The following SLF2 variants were observed in gnomAD, a reference collection of about 807,000 sequenced individuals.
The protein encoded by SLF2 is SMC5-SMC6 complex localization factor protein 2.
Under a neutral mutation model 124.3 loss-of-function variants are expected in SLF2, and 68 were observed. That is an observed-to-expected ratio of 0.55 (90% confidence interval 0.45 to 0.67). The LOEUF is 0.67. Among genes scored for constraint, SLF2 ranks in the 30% least tolerant of loss-of-function variants. The probability of loss-of-function intolerance (pLI) is 0.00; values close to 1 mark genes in which losing one functional copy is unlikely to be tolerated. For missense variants in SLF2, 1,246 were observed against 1,373.7 expected, an observed-to-expected ratio of 0.91 and a Z score of 1.47; for synonymous variants, 480 against 478.8, an observed-to-expected ratio of 1.00 and a Z score of -0.03.
chr10:100,945,558 G>A, intron 13 of SLF2, 52 bp downstream of exon 13: 1 of 1,353,578 alleles, frequency 7.4e-7, no homozygotes, highest in Non-Finnish European at 9.8e-7. Context: ...ATTACAATTT[G>A]ACTCATAGTG....
At chr10:100,921,536 G>A (rs1849524736) in intron 4 of SLF2, among the ~76,000 whole-genome samples, 2 of 152,162 alleles carry the variant, frequency 1.3e-5, no homozygotes, top group South Asian at 4.1e-4. Flanking sequence ...TTAATCACCT[G>A]ACCTGAAGAG....
intron 6 of SLF2, among the ~76,000 whole-genome samples, chr10:100,927,417 C>T (rs1202029512): frequency 2.0e-5 from 3 of 152,168 alleles, no homozygotes; most frequent in Non-Finnish European, 4.4e-5. Context: ...TAGCATGTGT[C>T]AGAATTTCCG....
chr10:100,962,045 A>G lies in SLF2; in HGVS notation c.*133A>G. 1.3e-6 allele frequency: 1 copy of G among 761,496 alleles called. No individual in the cohort carries two copies. 47.2% of individuals were successfully genotyped at this position (761,496 alleles called of 1,614,324 possible). On this transcript the variant is annotated 3_prime_UTR_variant, in exon 20 of 20. Transcript: ENST00000238961. Reference sequence around the variant, plus strand: ...CAGCAAATGTGCCACTTGAATATCTAGTATGAAGCTGGTAATGAAGAAATT... The same window carrying G: ...CAGCAAATGTGCCACTTGAATATCTGGTATGAAGCTGGTAATGAAGAAATT...
At chr10:100,953,062 C>A (rs917836815) in intron 17 of SLF2, among the ~76,000 whole-genome samples, 12 of 151,828 alleles carry the variant, frequency 7.9e-5, no homozygotes, top group East Asian at 7.8e-4. Context: ...GTCACCCAGG[C>A]TAGAGTGCAC....
intron 6 of SLF2, chr10:100,926,558 A>G (rs1849618483): frequency 9.0e-6 from 2 of 221,364 alleles, no homozygotes; most frequent in South Asian, 3.1e-4. Context: ...GTGAGCTGTG[A>G]TTGAGCCACT....
intron 5 of SLF2, 80 bp downstream of exon 5, chr10:100,925,052 T>C: frequency 7.3e-7 from 1 of 1,378,634 alleles, no homozygotes. Context: ...TATCGGAACT[T>C]ACTTTAAAAT....
At chr10:100,961,311 A>T (rs1389434676) in intron 19 of SLF2, among the ~76,000 whole-genome samples, 3 of 152,066 alleles carry the variant, frequency 2.0e-5, no homozygotes, top group Non-Finnish European at 2.9e-5. Flanking sequence ...CGCCTGGCTG[A>T]TATTCTGTAG....
chr10:100,943,877 T>C, intron 11 of SLF2, 149 bp from the exon 12 acceptor site: 1 of 539,586 alleles, frequency 1.9e-6, no homozygotes. Context: ...GTATATATGA[T>C]TATCAAAACT....
chr10:100,917,765 A>G (rs1329588625), intron 3 of SLF2, among the ~76,000 whole-genome samples: 1 of 151,954 alleles, frequency 6.6e-6, no homozygotes, highest in Non-Finnish European at 1.5e-5. Flanking sequence ...TTTTGTAGAG[A>G]CAGGTCTCCC....
chr10:100,959,780 T>C (rs1364389157), intron 19 of SLF2, among the ~76,000 whole-genome samples: 4 of 152,278 alleles, frequency 2.6e-5, no homozygotes, highest in Non-Finnish European at 5.9e-5. Context: ...TCTATTGAGA[T>C]AGAATTCACA....
intron 19 of SLF2, among the ~76,000 whole-genome samples, chr10:100,960,994 A>C (rs1052239885): frequency 5.1e-5 from 4 of 77,756 alleles, no homozygotes; most frequent in Non-Finnish European, 7.9e-5. Flanking sequence ...GATATTCTGT[A>C]CTTCTTTTTT....
In SLF2 at chr10:100,931,089, T is replaced by TTAA; in HGVS notation, c.2436+11_2436+12insTAA. ...AAGTGGCTGTTTCGGGTAAGAGGAA[T>TTAA]GTTTAGAGGGTTATAGTTGCCTCCT... On this transcript the variant is annotated intron_variant, in intron 9 of 19. Coordinates refer to ENST00000238961, the MANE Select transcript of SLF2 (RefSeq NM_018121.4). The TTAA allele has an allele frequency of 6.3e-7, 1 of 1,590,320 alleles. No homozygotes were observed. Among genetic ancestry groups the TTAA allele is most frequent in the South Asian group, 1.1e-5 (1 of 89,256 alleles).
chr10:100,955,656 C>A (rs1269250505), intron 17 of SLF2, among the ~76,000 whole-genome samples: 1 of 151,988 alleles, frequency 6.6e-6, no homozygotes, highest in Non-Finnish European at 1.5e-5. Context: ...ACCTGTAATC[C>A]CAGCACTTTG....
chr10:100,928,475 G>C (rs575427222), intron 6 of SLF2, among the ~76,000 whole-genome samples: 2 of 152,136 alleles, frequency 1.3e-5, no homozygotes, highest in Non-Finnish European at 2.9e-5. Flanking sequence ...CTTCACAAAT[G>C]AAAGACAGTA....
intron 17 of SLF2, among the ~76,000 whole-genome samples, chr10:100,952,543 C>T (rs1160916393): frequency 1.4e-5 from 2 of 144,130 alleles, no homozygotes; most frequent in African/African-American, 5.1e-5. Flanking sequence ...GGAGACTCCA[C>T]CTCAAAAAAA....
Position 100,963,333 on chromosome 10 carries a change from C to T in SLF2, c.*1421C>T, listed in dbSNP as rs1850458132. On this transcript the variant is annotated 3_prime_UTR_variant, in exon 20 of 20. Transcript: ENST00000238961. ...AACTTTTGAGCTCATGTCAATCAAG[C>T]ATTGGCAGTCAGAGATTTTATAGGG... The T allele has an allele frequency of 6.6e-6, 1 of 152,608 alleles. No homozygotes were observed. The highest frequency in any genetic ancestry group is 2.1e-4 in the South Asian group (1 of 4,824). The allele number at this position is 152,608 out of a possible 1,614,324, so 9.5% of individuals were successfully genotyped here.
At chr10:100,948,664 C>T (rs1474836012) in intron 15 of SLF2, among the ~76,000 whole-genome samples, 2 of 151,930 alleles carry the variant, frequency 1.3e-5, no homozygotes, top group African/African-American at 4.8e-5. Flanking sequence ...AGGTGGATCA[C>T]GAAGTCAGGA....
chr10:100,922,596 G>A (rs1362997631), intron 4 of SLF2, among the ~76,000 whole-genome samples: 1 of 152,084 alleles, frequency 6.6e-6, no homozygotes, highest in African/African-American at 2.4e-5. Flanking sequence ...GGGGAATACT[G>A]ATTGCACAAA....
At chr10:100,941,681 C>A (rs1354254793) in intron 11 of SLF2, among the ~76,000 whole-genome samples, 10 of 152,312 alleles carry the variant, frequency 6.6e-5, no homozygotes, top group Admixed American at 6.5e-4. Flanking sequence ...TCAAATTGAT[C>A]TGCCTGCTGT....
Sources: gnomAD v4.1 joint callset for allele counts (sites outside exome capture counted in the v4.1 genomes callset) on GRCh38, gnomAD v4.1.1 for gene constraint, MANE v1.5 for transcripts, NCBI Gene and HGNC (gene_info 2026-07-23, HGNC 2026-07-21) for gene names.